The following CBFB variants were observed in gnomAD, a reference collection of about 807,000 sequenced individuals.
CBFB encodes the protein core-binding factor subunit beta.
Under a neutral mutation model 30.4 loss-of-function variants are expected in CBFB, and 9 were observed. The observed-to-expected ratio is 0.30, with a 90% CI of 0.18 to 0.52. The LOEUF (loss-of-function observed/expected upper bound fraction) is 0.52, where lower values mean the gene tolerates loss of function less well. Ranked by LOEUF, CBFB falls within the 20% of genes least tolerant of loss-of-function variation. The pLI is 0.97. For missense variants in CBFB, 170 were observed against 244.0 expected (o/e 0.70, Z 2.02); for synonymous variants, 94 against 84.0 (o/e 1.12, Z -0.65).
chr16:67,030,560 A>G (rs1222924474), intron 2 of CBFB, among the ~76,000 whole-genome samples: 2 of 151,938 alleles, frequency 1.3e-5, no homozygotes, highest in African/African-American at 4.8e-5. Context: ...GGAGGTGCTG[A>G]TGAGGAGGGA....
At chr16:67,058,671 GA>G (rs1960802927) in intron 3 of CBFB, among the ~76,000 whole-genome samples, 1 of 152,032 alleles carries the variant, frequency 6.6e-6, no homozygotes, top group Non-Finnish European at 1.5e-5. Context: ...AAACTTACAA[GA>G]AAAAAATTCT....
At chr16:67,068,452 G>T (rs1359377786) in intron 4 of CBFB, among the ~76,000 whole-genome samples, 4 of 152,178 alleles carry the variant, frequency 2.6e-5, no homozygotes, top group African/African-American at 7.2e-5. Context: ...GTGTACTGCA[G>T]CCTGGGCAAC....
At chr16:67,068,676 G>GA (rs1961128867) in intron 4 of CBFB, among the ~76,000 whole-genome samples, 1 of 152,124 alleles carries the variant, frequency 6.6e-6, no homozygotes, top group Non-Finnish European at 1.5e-5. Flanking sequence ...AAAGTTATGA[G>GA]ATATGCAACT....
At chr16:67,048,057 C>T (rs1014358976) in intron 3 of CBFB, among the ~76,000 whole-genome samples, 3 of 151,216 alleles carry the variant, frequency 2.0e-5, no homozygotes, top group Admixed American at 6.6e-5. Flanking sequence ...AACAAAATTC[C>T]ATCTCAAAAA....
intron 2 of CBFB, 80 bp downstream of exon 2, chr16:67,029,893 C>T (rs1313950606): frequency 5.3e-6 from 5 of 934,942 alleles, no homozygotes; most frequent in East Asian, 6.7e-5. Context: ...CGGACGGCGG[C>T]GCGGCTGCTG....
At chr16:67,073,871 C>A (rs1291118431) in intron 4 of CBFB, among the ~76,000 whole-genome samples, 3 of 151,768 alleles carry the variant, frequency 2.0e-5, no homozygotes, top group African/African-American at 7.3e-5. Flanking sequence ...CCCGTCTCAA[C>A]CAAAACTACA....
At chr16:67,034,802 C>T (rs924611528) in intron 2 of CBFB, among the ~76,000 whole-genome samples, 12 of 152,212 alleles carry the variant, frequency 7.9e-5, no homozygotes, top group African/African-American at 2.9e-4. Flanking sequence ...TGTGTCTTTT[C>T]TGCCACCACT....
At chr16:67,098,151 T>C (rs1378681732) in intron 5 of CBFB, among the ~76,000 whole-genome samples, 2 of 151,550 alleles carry the variant, frequency 1.3e-5, no homozygotes, top group Non-Finnish European at 2.9e-5. Flanking sequence ...TGTTTGTTTT[T>C]TGAGATGGAA....
At chr16:67,072,866 C>T (rs1334966143) in intron 4 of CBFB, among the ~76,000 whole-genome samples, 1 of 151,716 alleles carries the variant, frequency 6.6e-6, no homozygotes, top group Non-Finnish European at 1.5e-5. Flanking sequence ...AAGCTCCTGC[C>T]GTGCTTGGCT....
At chr16:67,060,933 GTGT>G (rs775885254) in intron 3 of CBFB, among the ~76,000 whole-genome samples, 2 of 152,260 alleles carry the variant, frequency 1.3e-5, no homozygotes, top group East Asian at 1.9e-4. Context: ...GGTTCATTCT[GTGT>G]TGTTGTGTGT....
chr16:67,040,502 C>T (rs902216347), intron 3 of CBFB, among the ~76,000 whole-genome samples: 1 of 152,168 alleles, frequency 6.6e-6, no homozygotes, highest in African/African-American at 2.4e-5. Flanking sequence ...ATGGGTACTT[C>T]CCAGGGTTGC....
chr16:67,040,137 A>AT lies in CBFB; in HGVS notation c.282+3385dup, dbSNP rs1966505780. The stretch of plus-strand genomic sequence containing the variant: ...TGGAGCTCAGACTGTGGGGTCTCGA[A>AT]TTTCTTTTCTCTTTTTATGGTCTGT... On this transcript the variant is annotated intron_variant, in intron 3 of 5. Coordinates refer to ENST00000412916, the MANE Select transcript of CBFB (RefSeq NM_022845.3). Among the ~76,000 whole-genome samples, 7 of 152,236 alleles carry AT rather than the reference A, an allele frequency of 4.6e-5. No homozygotes were observed. In the South Asian group the frequency reaches 1.5e-3, roughly 32 times the overall value.
intron 4 of CBFB, among the ~76,000 whole-genome samples, chr16:67,078,629 T>C (rs1961471472): frequency 2.0e-5 from 3 of 152,286 alleles, no homozygotes; most frequent in South Asian, 2.1e-4. Context: ...CTTATTTTGC[T>C]GCAAATATTA....
chr16:67,066,285 C>T lies in CBFB; in HGVS notation c.283-397C>T, dbSNP rs560729901. 3.6e-4 allele frequency among the ~76,000 whole-genome samples: 55 copies of T among 151,660 alleles called. 1 individual carries two copies. The South Asian group carries it at 0.011, about 30-fold the overall frequency. ...GTGTCTGGCCGGGCATGGTAGCTCA[C>T]GCCTGTAATCCTAGCACTTTTGGAG... On this transcript the variant is annotated intron_variant, in intron 3 of 5. Coordinates refer to ENST00000412916, the MANE Select transcript of CBFB (RefSeq NM_022845.3).
At chr16:67,079,515 C>CTTTT (rs34164177) in intron 4 of CBFB, among the ~76,000 whole-genome samples, 10 of 98,664 alleles carry the variant, frequency 1.0e-4, no homozygotes, top group Non-Finnish European at 1.4e-4. Flanking sequence ...GGCCCTGGGT[C>CTTTT]TTTTTTTTTT....
At position 67,098,914 on chromosome 16, in the gene CBFB, A is replaced by G. The variant is rs1191270425; in HGVS notation, c.*136A>G. On this transcript the variant is annotated 3_prime_UTR_variant, in exon 6 of 6. Coordinates refer to ENST00000412916, the MANE Select transcript of CBFB (RefSeq NM_022845.3). ...CTATTTCTCAACCTTAGGCAGTAAT[A>G]GACATCACAAACTGCCATGGTTTTG... is the stretch of plus-strand genomic sequence containing the variant. 5.0e-6 allele frequency: 3 copies of G among 597,350 alleles called. No individual in the cohort carries two copies. The highest frequency in any genetic ancestry group is 9.1e-6 in the Non-Finnish European group (3 of 331,222). The allele number at this position is 597,350 out of a possible 1,614,324, so 37.0% of individuals were successfully genotyped here. A position where few individuals can be genotyped will look rare whatever the true frequency, so the allele number is the denominator to read the frequency against.
intron 3 of CBFB, among the ~76,000 whole-genome samples, chr16:67,045,196 G>C (rs574625297): frequency 4.6e-5 from 7 of 152,222 alleles, no homozygotes; most frequent in Admixed American, 3.9e-4. Context: ...TTCAATCTAA[G>C]AGAGGAAGTC....
At chr16:67,030,632 C>T (rs975152713) in intron 2 of CBFB, among the ~76,000 whole-genome samples, 2 of 152,160 alleles carry the variant, frequency 1.3e-5, no homozygotes, top group African/African-American at 4.8e-5. Flanking sequence ...TAGAGTCTTG[C>T]TCTGTTGCCC....
chr16:67,095,210 CAAAAAAA>C (rs71145959), intron 5 of CBFB, among the ~76,000 whole-genome samples: 24 of 27,096 alleles, frequency 8.9e-4, no homozygotes, highest in East Asian at 6.0e-3. Context: ...AAGTGTGTCT[CAAAAAAA>C]AAAAAAAAAA....
Sources: allele counts gnomAD v4.1 joint callset (sites outside exome capture counted in the v4.1 genomes callset), GRCh38; gene constraint gnomAD v4.1.1; transcripts MANE v1.5; gene names NCBI Gene and HGNC (gene_info 2026-07-23, HGNC 2026-07-21).